FER: variants seen among roughly 807,000 people sequenced by gnomAD.
FER encodes FER tyrosine kinase.
In FER, 63 loss-of-function variants were observed where a neutral mutation model predicts 111.0. The ratio of observed to expected loss-of-function variants is 0.57; its 90% CI spans 0.46 to 0.70. The LOEUF (loss-of-function observed/expected upper bound fraction) is 0.70, where lower values mean the gene tolerates loss of function less well. Among genes scored for constraint, FER ranks in the 30% least tolerant of loss-of-function variants. The pLI is 0.00. For missense variants in FER, 914 were observed against 954.0 expected (o/e 0.96, Z 0.55); for synonymous variants, 327 against 313.9 (o/e 1.04, Z -0.44).
At chr5:108,905,284 A>T (rs1750595780) in intron 10 of FER, among the ~76,000 whole-genome samples, 1 of 152,150 alleles carries the variant, frequency 6.6e-6, no homozygotes, top group Admixed American at 6.6e-5. Context: ...GTTGATATAT[A>T]GGCCAAAATG....
At position 109,187,876 on chromosome 5, in the gene FER, A is replaced by G. The variant is rs141154908; in HGVS notation, c.*301A>G. On this transcript the variant is annotated 3_prime_UTR_variant, in exon 20 of 20. Coordinates refer to ENST00000281092, the MANE Select transcript of FER (RefSeq NM_005246.4). ...GTGTGAAGGATAAAAGATCTATCCTATCCTTTTCACACCTTGTTTCTACTT... is the reference window on the plus strand; with the variant it reads ...GTGTGAAGGATAAAAGATCTATCCTGTCCTTTTCACACCTTGTTTCTACTT... 420 of 345,488 alleles carry G rather than the reference A, an allele frequency of 1.2e-3. 2 individuals are homozygous for G. Among genetic ancestry groups the G allele is most frequent in the African/African-American group, 7.9e-3 (370 of 46,612 alleles). The allele number at this position is 345,488 out of a possible 1,614,324, so 21.4% of individuals were successfully genotyped here.
chr5:109,104,313 CA>C (rs1386783568), intron 17 of FER, among the ~76,000 whole-genome samples: 2 of 152,120 alleles, frequency 1.3e-5, no homozygotes, highest in Admixed American at 1.3e-4. Context: ...TACTCTATGC[CA>C]GGGGCTACCA....
intron 3 of FER, among the ~76,000 whole-genome samples, chr5:108,805,559 G>A (rs1006824177): frequency 5.3e-5 from 8 of 152,200 alleles, no homozygotes; most frequent in Admixed American, 2.0e-4. Context: ...GAGACTTGTT[G>A]AATGGCTTTG....
chr5:108,962,228 CT>C (rs1300018583), intron 13 of FER, among the ~76,000 whole-genome samples: 1 of 152,142 alleles, frequency 6.6e-6, no homozygotes, highest in Non-Finnish European at 1.5e-5. Flanking sequence ...GCCTTCAGAG[CT>C]TGTGTAAACA....
intron 17 of FER, among the ~76,000 whole-genome samples, chr5:109,147,572 A>T (rs1383719169): frequency 1.3e-5 from 2 of 152,072 alleles, no homozygotes; most frequent in Non-Finnish European, 2.9e-5. Context: ...TATAAACAAT[A>T]GTATGCCCAT....
chr5:109,052,607 C>T (rs753543310), intron 16 of FER: 1 of 579,580 alleles, frequency 1.7e-6, no homozygotes, highest in Non-Finnish European at 3.1e-6. Context: ...TTGTTACTTT[C>T]CTCACACCTT....
chr5:108,859,305 A>T (rs1561524379), intron 5 of FER, among the ~76,000 whole-genome samples: 1 of 151,898 alleles, frequency 6.6e-6, no homozygotes, highest in African/African-American at 2.4e-5. Flanking sequence ...TTGTTTTTAG[A>T]TCAGTCTTAA....
intron 3 of FER, chr5:108,819,739 GA>G (rs1277600156): frequency 2.1e-6 from 2 of 946,010 alleles, no homozygotes; most frequent in Non-Finnish European, 2.5e-6. Flanking sequence ...TTCTATGTGA[GA>G]GAGAAAAAAA....
intron 17 of FER, among the ~76,000 whole-genome samples, chr5:109,139,976 G>T (rs1029372812): frequency 1.1e-4 from 17 of 152,232 alleles, no homozygotes; most frequent in Non-Finnish European, 2.2e-4. Context: ...AGAAATAAAA[G>T]CCAAAGCATT....
At chr5:109,069,530 GCA>G (rs1456393013) in intron 16 of FER, among the ~76,000 whole-genome samples, 1 of 152,104 alleles carries the variant, frequency 6.6e-6, no homozygotes, top group African/African-American at 2.4e-5. Flanking sequence ...TAAGTTGGCT[GCA>G]TTGTCTCTAC....
intron 14 of FER, among the ~76,000 whole-genome samples, chr5:109,043,253 T>A (rs1771439548): frequency 6.6e-6 from 1 of 152,170 alleles, no homozygotes; most frequent in Non-Finnish European, 1.5e-5. Flanking sequence ...CCAGCAGTAA[T>A]CATGTAAATT....
intron 6 of FER, among the ~76,000 whole-genome samples, chr5:108,869,135 T>A (rs1455088924): frequency 6.6e-6 from 1 of 152,116 alleles, no homozygotes; most frequent in African/African-American, 2.4e-5. Context: ...AAAGGTAAAA[T>A]GATAATTTCT....
At chr5:109,133,728 A>G (rs1752604810) in intron 17 of FER, among the ~76,000 whole-genome samples, 1 of 152,174 alleles carries the variant, frequency 6.6e-6, no homozygotes, top group African/African-American at 2.4e-5. Context: ...AATTTATGTA[A>G]CAAAACTATA....
At chr5:109,047,672 T>C (rs1446031315) in intron 16 of FER, among the ~76,000 whole-genome samples, 1 of 152,180 alleles carries the variant, frequency 6.6e-6, no homozygotes, top group Non-Finnish European at 1.5e-5. Context: ...TGGGCTCATG[T>C]GATTCTCCTG....
At chr5:108,819,369 T>C (rs747504043) in intron 3 of FER, among the ~76,000 whole-genome samples, 4 of 152,024 alleles carry the variant, frequency 2.6e-5, no homozygotes, top group Admixed American at 6.6e-5. Context: ...TTAAGACCTT[T>C]AGGTTCCCAC....
At chr5:109,016,187 A>G (rs565371801) in intron 13 of FER, among the ~76,000 whole-genome samples, 1 of 152,168 alleles carries the variant, frequency 6.6e-6, no homozygotes, top group East Asian at 1.9e-4. Flanking sequence ...ATCTGTTTCT[A>G]CAAGATCTTT....
intron 16 of FER, among the ~76,000 whole-genome samples, chr5:109,072,550 A>G (rs187593555): frequency 6.6e-6 from 1 of 151,916 alleles, no homozygotes; most frequent in African/African-American, 2.4e-5. Context: ...ATCCCAGAAA[A>G]ACAGTAGGCC....
At chr5:109,033,087 A>C (rs1226811668) in intron 13 of FER, among the ~76,000 whole-genome samples, 1 of 152,136 alleles carries the variant, frequency 6.6e-6, no homozygotes, top group Non-Finnish European at 1.5e-5. Flanking sequence ...TACATCTTTT[A>C]TGTCTTTGCC....
At chr5:109,065,530 G>A (rs1414162065) in intron 16 of FER, among the ~76,000 whole-genome samples, 1 of 152,144 alleles carries the variant, frequency 6.6e-6, no homozygotes, top group Non-Finnish European at 1.5e-5. Flanking sequence ...TCTCAAGTTT[G>A]TGGAAGCGAT....
Sources: gnomAD v4.1 joint callset for allele counts (sites outside exome capture counted in the v4.1 genomes callset) on GRCh38, gnomAD v4.1.1 for gene constraint, MANE v1.5 for transcripts, NCBI Gene and HGNC (gene_info 2026-07-23, HGNC 2026-07-21) for gene names.